The following ACAP2 variants were observed in gnomAD, a reference collection of about 807,000 sequenced individuals.
ACAP2 encodes ArfGAP with coiled-coil, ankyrin repeat and PH domains 2.
ACAP2 carries 39 observed loss-of-function variants against 115.8 expected under a neutral mutation model. The observed-to-expected ratio is 0.34, with a 90% CI of 0.26 to 0.44. The LOEUF (loss-of-function observed/expected upper bound fraction) is 0.44, where lower values mean the gene tolerates loss of function less well. Ranked by LOEUF, ACAP2 falls within the 20% of genes least tolerant of loss-of-function variation. The pLI is 1.00. For missense variants in ACAP2, 662 were observed against 927.6 expected (o/e 0.71, Z 3.72); for synonymous variants, 289 against 315.8 (o/e 0.92, Z 0.90).
intron 15 of ACAP2, among the ~76,000 whole-genome samples, chr3:195,300,177 G>C (rs1244562284): frequency 6.6e-6 from 1 of 151,512 alleles, no homozygotes; most frequent in African/African-American, 2.4e-5. Context: ...CTCTCGAGTA[G>C]CTGGGACTAC....
intron 15 of ACAP2, among the ~76,000 whole-genome samples, chr3:195,298,997 CTCTTAAAA>C (rs368611093): frequency 0.015 from 2,340 of 152,306 alleles, 22 homozygotes; most frequent in Non-Finnish European, 0.025. Flanking sequence ...GCCCAGCTAC[CTCTTAAAA>C]ATCTTAAATG....
rs537513398 is a variant in ACAP2, at chr3:195,413,339, G to A, written c.54-21192C>T. ...TTGCTTAAGGCAATGAGAAGCCACAGACTGAAAATATTTACCAAAAAAAAT... is the reference window on the plus strand; with the variant it reads ...TTGCTTAAGGCAATGAGAAGCCACAAACTGAAAATATTTACCAAAAAAAAT... On this transcript the variant is annotated intron_variant, in intron 1 of 22. Coordinates refer to ENST00000326793, the MANE Select transcript of ACAP2 (RefSeq NM_012287.6). 3.7e-4 allele frequency among the ~76,000 whole-genome samples: 57 copies of A among 152,144 alleles called. No individual in the cohort carries two copies. The Middle Eastern group carries it at 0.014, about 37-fold the overall frequency.
At chr3:195,397,147 T>C (rs1399457716) in intron 1 of ACAP2, among the ~76,000 whole-genome samples, 1 of 152,218 alleles carries the variant, frequency 6.6e-6, no homozygotes, top group Non-Finnish European at 1.5e-5. Context: ...TTTTATATAA[T>C]ACATGTATTT....
intron 10 of ACAP2, among the ~76,000 whole-genome samples, chr3:195,310,626 G>A (rs553817399): frequency 8.5e-5 from 13 of 152,246 alleles, no homozygotes; most frequent in Non-Finnish European, 1.5e-4. Flanking sequence ...AACTTTTCAC[G>A]CTTCTGAGGT....
At position 195,436,062 on chromosome 3, in the gene ACAP2, T is replaced by A. The variant is rs1715514323; in HGVS notation, c.53+6733A>T. On this transcript the variant is annotated intron_variant, in intron 1 of 22. Transcript: ENST00000326793. ...ATTTATAGTCATTATGTCTTTCTTATGGATTGACCCTTTTATTTTTATACA... is the reference window on the plus strand; with the variant it reads ...ATTTATAGTCATTATGTCTTTCTTAAGGATTGACCCTTTTATTTTTATACA... 2.0e-5 allele frequency among the ~76,000 whole-genome samples: 3 copies of A among 151,788 alleles called. No homozygotes were observed. The South Asian group carries it at 6.2e-4, about 31-fold the overall frequency.
chr3:195,411,876 C>A (rs1713288791), intron 1 of ACAP2, among the ~76,000 whole-genome samples: 1 of 149,426 alleles, frequency 6.7e-6, no homozygotes, highest in Admixed American at 6.7e-5. Context: ...AAGACCCTGT[C>A]TCTATTTAGT....
intron 14 of ACAP2, 70 bp downstream of exon 14, chr3:195,301,896 A>AAGTG: frequency 6.5e-7 from 1 of 1,528,838 alleles, no homozygotes; most frequent in Non-Finnish European, 8.9e-7. Context: ...GGCAACTAAC[A>AAGTG]AGTGAAACAA....
intron 1 of ACAP2, among the ~76,000 whole-genome samples, chr3:195,438,493 T>C (rs1436134880): frequency 6.6e-6 from 1 of 152,168 alleles, no homozygotes; most frequent in Non-Finnish European, 1.5e-5. Context: ...GAGACAAGAT[T>C]GGCACCAATC....
chr3:195,405,685 CAA>C (rs879358608), intron 1 of ACAP2, among the ~76,000 whole-genome samples: 12 of 122,130 alleles, frequency 9.8e-5, no homozygotes, highest in African/African-American at 1.2e-4. Flanking sequence ...GACTCCATCT[CAA>C]AAAAAAAAAA....
intron 6 of ACAP2, among the ~76,000 whole-genome samples, chr3:195,341,939 A>G (rs1730904479): frequency 6.6e-6 from 1 of 152,116 alleles, no homozygotes; most frequent in African/African-American, 2.4e-5. Context: ...GAGCTAAGTT[A>G]TAGGTTCTCA....
intron 1 of ACAP2, among the ~76,000 whole-genome samples, chr3:195,404,930 T>C (rs1183723414): frequency 1.3e-5 from 2 of 151,954 alleles, no homozygotes; most frequent in African/African-American, 4.8e-5. Flanking sequence ...CCTGAGTAGC[T>C]GGGATTACAG....
intron 1 of ACAP2, among the ~76,000 whole-genome samples, chr3:195,406,680 T>C (rs1560337461): frequency 6.6e-6 from 1 of 152,206 alleles, no homozygotes; most frequent in Non-Finnish European, 1.5e-5. Flanking sequence ...TTGTTCCAGA[T>C]AGTTTGTATT....
intron 10 of ACAP2, among the ~76,000 whole-genome samples, chr3:195,311,348 T>C (rs535114449): frequency 6.4e-4 from 97 of 151,794 alleles, no homozygotes; most frequent in Non-Finnish European, 1.2e-3. Context: ...CCACCCACCT[T>C]GGCCTCCCAA....
intron 4 of ACAP2, among the ~76,000 whole-genome samples, chr3:195,374,597 T>C (rs1163498103): frequency 6.6e-6 from 1 of 152,242 alleles, no homozygotes; most frequent in Non-Finnish European, 1.5e-5. Context: ...CTTTTGCTAA[T>C]ATGCCTATAT....
intron 1 of ACAP2, among the ~76,000 whole-genome samples, chr3:195,414,616 C>T (rs1713563243): frequency 6.6e-6 from 1 of 152,098 alleles, no homozygotes; most frequent in Non-Finnish European, 1.5e-5. Flanking sequence ...ATGGAAAAAC[C>T]TTACATTACA....
At chr3:195,375,687 C>A (rs1259538264) in intron 4 of ACAP2, among the ~76,000 whole-genome samples, 1 of 152,080 alleles carries the variant, frequency 6.6e-6, no homozygotes, top group Admixed American at 6.6e-5. Context: ...TGATGCATGC[C>A]TGTGGTCCCA....
rs114226236 is a variant in ACAP2 at position 195,381,455 on chromosome 3, T to C, written c.232-393A>G. On this transcript the variant is annotated intron_variant, in intron 3 of 22. Transcript: ENST00000326793. ...CTCATGAAAGAAATATAACACCACA[T>C]AGTATACCAAGGAATCTAAGCTAAC... Among the ~76,000 whole-genome samples, 873 of 152,202 alleles carry C rather than the reference T, an allele frequency of 5.7e-3. 7 individuals are homozygous for C. Among genetic ancestry groups the C allele is most frequent in the African/African-American group, 0.019 (793 of 41,536 alleles).
chr3:195,356,707 G>A (rs896619764), intron 4 of ACAP2, among the ~76,000 whole-genome samples: 4 of 151,834 alleles, frequency 2.6e-5, no homozygotes, highest in Admixed American at 1.3e-4. Flanking sequence ...TCTAACTCCC[G>A]GGTGATATTT....
chr3:195,419,738 T>G (rs1223251406), intron 1 of ACAP2, among the ~76,000 whole-genome samples: 1 of 152,326 alleles, frequency 6.6e-6, no homozygotes. Context: ...GGGAAATGTA[T>G]GTAACCTACC....
Sources: allele counts gnomAD v4.1 joint callset (sites outside exome capture counted in the v4.1 genomes callset), GRCh38; gene constraint gnomAD v4.1.1; transcripts MANE v1.5; gene names NCBI Gene and HGNC (gene_info 2026-07-23, HGNC 2026-07-21).